GALNT6: variants seen among roughly 807,000 people sequenced by gnomAD.
GALNT6 encodes GalNAc transferase 6.
GALNT6 carries 51 observed loss-of-function variants against 65.9 expected under a neutral mutation model. The observed-to-expected ratio is 0.77, with a 90% CI of 0.62 to 0.98. The LOEUF is 0.98. Among genes scored for constraint, GALNT6 ranks in the 50% least tolerant of loss-of-function variants. The pLI is 0.00. For synonymous variants in GALNT6, 323 were observed against 315.1 expected, an observed-to-expected ratio of 1.02 and a Z score of -0.26; for missense variants, 708 against 803.3, an observed-to-expected ratio of 0.88 and a Z score of 1.43.
intron 2 of GALNT6, among the ~76,000 whole-genome samples, chr12:51,381,944 G>A (rs1947686566): frequency 6.6e-6 from 1 of 152,208 alleles, no homozygotes; most frequent in African/African-American, 2.4e-5. Context: ...ACTATTTAAT[G>A]CTATTGTTTA....
chr12:51,358,775 G>A (rs1310442744), intron 8 of GALNT6, among the ~76,000 whole-genome samples: 4 of 152,082 alleles, frequency 2.6e-5, no homozygotes, highest in South Asian at 2.1e-4. Flanking sequence ...CCTGCTTATC[G>A]GTCCATCTCC....
chr12:51,365,364 G>T (rs1438944426), intron 5 of GALNT6, 66 bp downstream of exon 5: 5 of 1,457,706 alleles, frequency 3.4e-6, no homozygotes, highest in African/African-American at 2.8e-5. Flanking sequence ...GGAGGCTGTG[G>T]CCCTGGCTCA....
In GALNT6 at chr12:51,359,349, C is replaced by T. The variant is rs1946849193; in HGVS notation, c.1168-17G>A. On this transcript the variant is annotated splice_polypyrimidine_tract_variant and intron_variant, in intron 7 of 11. Transcript: ENST00000356317. The stretch of plus-strand genomic sequence containing the variant: ...CTGCCACACCTGATGTAAGAGGAGA[C>T]AGGATGAGGCCTTCAGTGGGCTAGG... 2.5e-6 allele frequency: 4 copies of T among 1,575,228 alleles called. No homozygotes were observed. The highest frequency in any genetic ancestry group is 2.6e-6 in the Non-Finnish European group (3 of 1,152,108).
At chr12:51,356,109 G>T in intron 10 of GALNT6, 151 bp from the exon 11 acceptor site, 2 of 613,216 alleles carry the variant, frequency 3.3e-6, no homozygotes, top group Admixed American at 3.0e-5. Context: ...GCTGCCTTCA[G>T]GATTGTTACC....
intron 4 of GALNT6, among the ~76,000 whole-genome samples, chr12:51,370,621 G>GT (rs1947263714): frequency 6.6e-6 from 1 of 152,212 alleles, no homozygotes; most frequent in South Asian, 2.1e-4. Context: ...GACAAATACT[G>GT]TATGATTCCA....
intron 8 of GALNT6, among the ~76,000 whole-genome samples, chr12:51,358,648 T>C (rs966716540): frequency 1.3e-5 from 2 of 152,138 alleles, no homozygotes; most frequent in African/African-American, 2.4e-5. Flanking sequence ...GTAGTGCAGA[T>C]AGCATGGAGC....
chr12:51,355,533 G>A (rs1320208334), intron 11 of GALNT6, among the ~76,000 whole-genome samples: 2 of 152,002 alleles, frequency 1.3e-5, no homozygotes, highest in African/African-American at 2.4e-5. Flanking sequence ...GCAATGGCAC[G>A]ACCTCAGCTC....
At chr12:51,378,805 G>A (rs921715077) in intron 3 of GALNT6, among the ~76,000 whole-genome samples, 1 of 152,016 alleles carries the variant, frequency 6.6e-6, no homozygotes, top group African/African-American at 2.4e-5. Context: ...AATCAATTCC[G>A]GCCTTGTGGG....
At chr12:51,371,571 C>T (rs1947295948) in intron 4 of GALNT6, among the ~76,000 whole-genome samples, 1 of 152,228 alleles carries the variant, frequency 6.6e-6, no homozygotes, top group Non-Finnish European at 1.5e-5. Context: ...TACTCACTCA[C>T]TAACCCATTG....
chr12:51,365,664 G>A, intron 4 of GALNT6, 85 bp from the exon 5 acceptor site: 1 of 1,379,912 alleles, frequency 7.2e-7, no homozygotes, highest in Non-Finnish European at 9.9e-7. Flanking sequence ...GGGCTCTCAG[G>A]CCTCTAGCAG....
chr12:51,384,476 T>A (rs1446951426), intron 2 of GALNT6, among the ~76,000 whole-genome samples: 1 of 152,102 alleles, frequency 6.6e-6, no homozygotes, highest in African/African-American at 2.4e-5. Flanking sequence ...CAGATCACTT[T>A]AGGCCAGGAG....
chr12:51,378,494 C>T (rs1298580934), intron 3 of GALNT6, among the ~76,000 whole-genome samples: 2 of 152,092 alleles, frequency 1.3e-5, no homozygotes, highest in Admixed American at 1.3e-4. Context: ...CTGATAGCTT[C>T]AAGTGGCCCC....
At chr12:51,381,669 C>T (rs1358308206) in intron 2 of GALNT6, among the ~76,000 whole-genome samples, 2 of 152,230 alleles carry the variant, frequency 1.3e-5, no homozygotes, top group African/African-American at 4.8e-5. Context: ...CTTAATCCCT[C>T]TAAGCCTCAA....
intron 4 of GALNT6, among the ~76,000 whole-genome samples, chr12:51,370,598 C>T (rs1947263109): frequency 6.6e-6 from 1 of 152,104 alleles, no homozygotes; most frequent in South Asian, 2.1e-4. Flanking sequence ...GTGAAATAAG[C>T]CAGTCACAAA....
At chr12:51,380,147 T>C (rs1204524134) in intron 2 of GALNT6, among the ~76,000 whole-genome samples, 2 of 152,204 alleles carry the variant, frequency 1.3e-5, no homozygotes, top group East Asian at 3.8e-4. Context: ...ATTAAACTCA[T>C]GAGATTTAAT....
At position 51,364,312 on chromosome 12, in the gene GALNT6, G is replaced by T; in HGVS notation, c.858C>A (p.Ile286=). ...HGWLEPLLAR[I]AEDKTVVVSP... is the part of the protein sequence containing the mutation. ...TCACCACCACTGTCTTGTCCTCAGC[G>T]ATTCGAGCCAGGAGGGGCTCCAGCC... The change falls in exon 6 of 12, where the codon ATC becomes ATA. Residue 286 remains isoleucine, a synonymous_variant. Coordinates refer to ENST00000356317, the MANE Select transcript of GALNT6 (RefSeq NM_007210.4). The T allele has an allele frequency of 6.2e-7, 1 of 1,614,162 alleles. No individual in the cohort carries two copies. Among genetic ancestry groups the T allele is most frequent in the Non-Finnish European group, 8.5e-7 (1 of 1,180,022 alleles).
intron 4 of GALNT6, among the ~76,000 whole-genome samples, chr12:51,369,695 C>T (rs1203169200): frequency 6.6e-6 from 1 of 152,154 alleles, no homozygotes. Flanking sequence ...TGAATTTCCC[C>T]TGCAAATCTG....
chr12:51,361,411 G>A (rs926162001), intron 6 of GALNT6, among the ~76,000 whole-genome samples: 1 of 152,242 alleles, frequency 6.6e-6, no homozygotes, highest in African/African-American at 2.4e-5. Flanking sequence ...CCTAGCCCTG[G>A]TGATTTACAC....
At chr12:51,358,060 G>C in intron 9 of GALNT6, 70 bp downstream of exon 9, 1 of 1,407,854 alleles carries the variant, frequency 7.1e-7, no homozygotes, top group Non-Finnish European at 1.0e-6. Context: ...CCATCTGTGG[G>C]GTCAGTGGTC....
Sources: allele counts gnomAD v4.1 joint callset (sites outside exome capture counted in the v4.1 genomes callset), GRCh38; gene constraint gnomAD v4.1.1; transcripts MANE v1.5; gene names NCBI Gene and HGNC (gene_info 2026-07-23, HGNC 2026-07-21).